Variants in TPTE observed in about 807,000 individuals in gnomAD.
TPTE encodes the protein putative tyrosine-protein phosphatase TPTE.
A neutral mutation model predicts 84.1 loss-of-function variants in TPTE; 59 were observed. That is an observed-to-expected ratio of 0.70 (90% confidence interval 0.57 to 0.87). TPTE has a LOEUF of 0.87. Among genes scored for constraint, TPTE ranks in the 40% least tolerant of loss-of-function variants. The pLI is 0.00. For missense variants in TPTE, 382 were observed against 659.6 expected (o/e 0.58, Z 4.61); for synonymous variants, 130 against 223.5 (o/e 0.58, Z 3.73).
chr21:10,537,955 A>T (rs2074298035), intron 3 of TPTE, among the ~76,000 whole-genome samples: 1 of 152,304 alleles, frequency 6.6e-6, no homozygotes, highest in Non-Finnish European at 1.5e-5. Flanking sequence ...GAATGAATTT[A>T]GATAAAAGAT....
intron 7 of TPTE, among the ~76,000 whole-genome samples, chr21:10,543,869 T>TG (rs2074417396): frequency 6.6e-6 from 1 of 152,304 alleles, no homozygotes; most frequent in Admixed American, 6.5e-5. Context: ...AGTGAAGCCC[T>TG]GGGAAAAAAA....
intron 3 of TPTE, among the ~76,000 whole-genome samples, chr21:10,531,989 C>T (rs1416211741): frequency 6.6e-6 from 1 of 152,304 alleles, no homozygotes; most frequent in Admixed American, 6.5e-5. Flanking sequence ...TCTCTGAGCT[C>T]AATATTTTGG....
intron 3 of TPTE, among the ~76,000 whole-genome samples, chr21:10,536,042 C>A (rs2074259915): frequency 6.6e-6 from 1 of 152,310 alleles, no homozygotes; most frequent in Non-Finnish European, 1.5e-5. Flanking sequence ...CTTTGGGAGG[C>A]CAAGACAGCT....
intron 4 of TPTE, 120 bp downstream of exon 4, chr21:10,538,854 A>G: frequency 3.1e-6 from 5 of 1,603,138 alleles, no homozygotes; most frequent in African/African-American, 1.3e-5. Flanking sequence ...ATCCGTACAC[A>G]CTTCTCTCAA....
intron 7 of TPTE, among the ~76,000 whole-genome samples, chr21:10,551,729 CTCA>C (rs2074579224): frequency 1.3e-5 from 2 of 152,274 alleles, no homozygotes; most frequent in Non-Finnish European, 2.9e-5. Flanking sequence ...AAAAAGAGAC[CTCA>C]TAACAGATAA....
intron 3 of TPTE, among the ~76,000 whole-genome samples, chr21:10,538,081 C>T (rs1178491177): frequency 1.3e-5 from 2 of 152,312 alleles, no homozygotes; most frequent in Admixed American, 6.5e-5. Flanking sequence ...TGGCTGAGGA[C>T]AGCAGAGAAT....
At chr21:10,595,439 G>A (rs2075564216) in intron 19 of TPTE, among the ~76,000 whole-genome samples, 1 of 152,312 alleles carries the variant, frequency 6.6e-6, no homozygotes, top group Non-Finnish European at 1.5e-5. Flanking sequence ...TTGCCCCAGG[G>A]AAAGGACAAG....
At chr21:10,547,092 G>A (rs917110765) in intron 7 of TPTE, among the ~76,000 whole-genome samples, 5 of 152,310 alleles carry the variant, frequency 3.3e-5, no homozygotes, top group Non-Finnish European at 5.9e-5. Flanking sequence ...TCTTGTTAGG[G>A]GCTAATGAAG....
intron 7 of TPTE, among the ~76,000 whole-genome samples, chr21:10,544,196 G>A (rs2074423958): frequency 6.6e-6 from 1 of 152,302 alleles, no homozygotes; most frequent in Non-Finnish European, 1.5e-5. Flanking sequence ...AGATTTTACA[G>A]AAGGAATAAA....
At chr21:10,552,006 T>C (rs375601452) in intron 7 of TPTE, among the ~76,000 whole-genome samples, 566 of 152,180 alleles carry the variant, frequency 3.7e-3, no homozygotes, top group African/African-American at 0.013. Flanking sequence ...GCAAACTTCA[T>C]TGTTGTCCTA....
chr21:10,538,260 T>C (rs1405935972), intron 3 of TPTE, among the ~76,000 whole-genome samples: 2 of 152,310 alleles, frequency 1.3e-5, no homozygotes, highest in Non-Finnish European at 2.9e-5. Context: ...TGTGCTTGAC[T>C]CAGACCTGCA....
intron 10 of TPTE, among the ~76,000 whole-genome samples, chr21:10,565,820 C>G (rs1456528769): frequency 1.3e-5 from 2 of 152,310 alleles, no homozygotes; most frequent in Non-Finnish European, 2.9e-5. Flanking sequence ...AAGAATGCAC[C>G]TAGACCCCTA....
chr21:10,591,111 TCAAAA>T (rs1325212089), intron 18 of TPTE, among the ~76,000 whole-genome samples: 8 of 152,306 alleles, frequency 5.3e-5, no homozygotes, highest in South Asian at 2.1e-4. Context: ...ATTTCACAAC[TCAAAA>T]CAAAGCCTCT....
intron 9 of TPTE, among the ~76,000 whole-genome samples, chr21:10,560,601 A>G (rs553443699): frequency 6.6e-6 from 1 of 152,428 alleles, no homozygotes; most frequent in East Asian, 1.9e-4. Flanking sequence ...TATGTTACTC[A>G]TGCTTTCATT....
chr21:10,545,148 TA>T (rs2074441470), intron 7 of TPTE, among the ~76,000 whole-genome samples: 1 of 152,308 alleles, frequency 6.6e-6, no homozygotes, highest in African/African-American at 2.4e-5. Flanking sequence ...CTCATTGAAT[TA>T]AAAAGAGTAA....
intron 17 of TPTE, among the ~76,000 whole-genome samples, chr21:10,587,610 C>T (rs1296274130): frequency 1.4e-3 from 218 of 151,380 alleles, no homozygotes; most frequent in African/African-American, 4.7e-3. Flanking sequence ...AGTGCAATGG[C>T]GCAGTCTTGG....
intron 18 of TPTE, 31 bp downstream of exon 18, chr21:10,590,554 A>T: frequency 6.2e-7 from 1 of 1,613,342 alleles, no homozygotes; most frequent in Non-Finnish European, 8.5e-7. Context: ...ACTTTGTCTT[A>T]GGATGATTGA....
At chr21:10,548,940 AT>A (rs2074522224) in intron 7 of TPTE, among the ~76,000 whole-genome samples, 1 of 152,300 alleles carries the variant, frequency 6.6e-6, no homozygotes, top group African/African-American at 2.4e-5. Flanking sequence ...GGCTAGAGTG[AT>A]GGCACCATGG....
chr21:10,573,891 C>A (rs1289076179), intron 14 of TPTE, among the ~76,000 whole-genome samples: 6 of 152,282 alleles, frequency 3.9e-5, no homozygotes, highest in Non-Finnish European at 1.5e-5. Context: ...AAATCCTCTT[C>A]AGGCCCAGGC....
Sources: gnomAD v4.1 joint callset for allele counts (sites outside exome capture counted in the v4.1 genomes callset) on GRCh38, gnomAD v4.1.1 for gene constraint, MANE v1.5 for transcripts, NCBI Gene and HGNC (gene_info 2026-07-23, HGNC 2026-07-21) for gene names.